B3GALT1: variants seen among roughly 807,000 people sequenced by gnomAD.
The protein encoded by B3GALT1 is UDP-Gal:betaGlcNAc beta 1,3-galactosyltransferase, polypeptide 1.
Under a neutral mutation model 23.2 loss-of-function variants are expected in B3GALT1, and 10 were observed. The ratio of observed to expected loss-of-function variants is 0.43; its 90% CI spans 0.27 to 0.73. The LOEUF (loss-of-function observed/expected upper bound fraction) is 0.73. Among genes scored for constraint, B3GALT1 ranks in the 30% least tolerant of loss-of-function variants. B3GALT1 has a pLI of 0.21. For missense variants in B3GALT1, 299 were observed against 405.4 expected, an observed-to-expected ratio of 0.74 and a Z score of 2.25; for synonymous variants, 156 against 141.5, an observed-to-expected ratio of 1.10 and a Z score of -0.73.
chr2:167,617,853 T>C (rs1476933553), intron 2 of B3GALT1, among the ~76,000 whole-genome samples: 1 of 152,108 alleles, frequency 6.6e-6, no homozygotes, highest in Admixed American at 6.6e-5. Flanking sequence ...TCCTCTTTAA[T>C]GCACTGTCTC....
chr2:167,610,478 G>A (rs1685040483), intron 2 of B3GALT1, among the ~76,000 whole-genome samples: 1 of 152,012 alleles, frequency 6.6e-6, no homozygotes, highest in African/African-American at 2.4e-5. Context: ...GTTTCAAAAT[G>A]TACACTATTG....
At chr2:167,839,341 A>C (rs1405807648) in intron 4 of B3GALT1, among the ~76,000 whole-genome samples, 11 of 152,242 alleles carry the variant, frequency 7.2e-5, no homozygotes, top group African/African-American at 2.6e-4. Flanking sequence ...CTCAGGATAC[A>C]AAATCAATGT....
At chr2:167,792,007 T>A (rs1353061203) in intron 3 of B3GALT1, among the ~76,000 whole-genome samples, 1 of 152,130 alleles carries the variant, frequency 6.6e-6, no homozygotes, top group African/African-American at 2.4e-5. Context: ...TAGTGCAATT[T>A]ATGACTTTTA....
At chr2:167,463,794 A>G (rs769702294) in intron 1 of B3GALT1, among the ~76,000 whole-genome samples, 1 of 152,236 alleles carries the variant, frequency 6.6e-6, no homozygotes, top group Non-Finnish European at 1.5e-5. Context: ...ACTGAGTAAT[A>G]TAGACATTTG....
intron 3 of B3GALT1, among the ~76,000 whole-genome samples, chr2:167,809,703 T>C (rs1210310395): frequency 1.3e-5 from 2 of 152,004 alleles, no homozygotes; most frequent in Non-Finnish European, 2.9e-5. Context: ...TACTGGGGGG[T>C]GCCTCCCAGT....
At chr2:167,484,210 T>C (rs1699595229) in intron 1 of B3GALT1, among the ~76,000 whole-genome samples, 1 of 152,216 alleles carries the variant, frequency 6.6e-6, no homozygotes, top group African/African-American at 2.4e-5. Context: ...TAAAAATGTA[T>C]TGAGTTTTGT....
At chr2:167,331,067 G>C (rs1696966276) in intron 1 of B3GALT1, among the ~76,000 whole-genome samples, 1 of 152,094 alleles carries the variant, frequency 6.6e-6, no homozygotes, top group Admixed American at 6.6e-5. Flanking sequence ...GATACATACA[G>C]TAGTACAGTC....
intron 1 of B3GALT1, among the ~76,000 whole-genome samples, chr2:167,483,101 C>T (rs1379372878): frequency 6.6e-6 from 1 of 151,976 alleles, no homozygotes. Flanking sequence ...CGAGACCAGC[C>T]TGACCAACAT....
At chr2:167,646,382 C>T (rs1265703431) in intron 2 of B3GALT1, among the ~76,000 whole-genome samples, 1 of 152,166 alleles carries the variant, frequency 6.6e-6, no homozygotes, top group Non-Finnish European at 1.5e-5. Context: ...TCTTTCCTTG[C>T]GTGAAGGGAG....
chr2:167,829,454 G>T (rs1689296821), intron 4 of B3GALT1, among the ~76,000 whole-genome samples: 1 of 150,172 alleles, frequency 6.7e-6, no homozygotes, highest in Non-Finnish European at 1.5e-5. Flanking sequence ...TTGCACTCCA[G>T]CCCGGGTGAC....
intron 1 of B3GALT1, among the ~76,000 whole-genome samples, chr2:167,455,619 T>C (rs1222136782): frequency 6.6e-6 from 1 of 152,092 alleles, no homozygotes; most frequent in Non-Finnish European, 1.5e-5. Context: ...TTCAAGAGAT[T>C]CTCCTGCCTC....
chr2:167,475,540 G>T (rs1340413055), intron 1 of B3GALT1, among the ~76,000 whole-genome samples: 1 of 151,870 alleles, frequency 6.6e-6, no homozygotes, highest in Non-Finnish European at 1.5e-5. Flanking sequence ...GAAGGAAAAA[G>T]AAATTTTTGC....
At chr2:167,633,539 T>C (rs992434908) in intron 2 of B3GALT1, among the ~76,000 whole-genome samples, 2 of 150,720 alleles carry the variant, frequency 1.3e-5, no homozygotes, top group Non-Finnish European at 3.0e-5. Flanking sequence ...GCAATCCTAG[T>C]CTCTCATAAA....
intron 1 of B3GALT1, among the ~76,000 whole-genome samples, chr2:167,386,439 G>A (rs1446912705): frequency 1.3e-5 from 2 of 152,104 alleles, no homozygotes; most frequent in East Asian, 1.9e-4. Context: ...TTAATTGAAG[G>A]TGAGCAACAG....
chr2:167,584,633 G>T (rs1684555066), intron 2 of B3GALT1, among the ~76,000 whole-genome samples: 2 of 152,258 alleles, frequency 1.3e-5, no homozygotes, highest in Admixed American at 6.5e-5. Context: ...GCCCTAAGTT[G>T]TTTTACCTGT....
chr2:167,552,435 A>C (rs1683764865), intron 2 of B3GALT1, among the ~76,000 whole-genome samples: 1 of 152,240 alleles, frequency 6.6e-6, no homozygotes, highest in African/African-American at 2.4e-5. Flanking sequence ...AAAAATAAAA[A>C]TACCATTTAA....
At chr2:167,768,251 A>T (rs867910471) in intron 3 of B3GALT1, among the ~76,000 whole-genome samples, 1 of 152,258 alleles carries the variant, frequency 6.6e-6, no homozygotes, top group African/African-American at 2.4e-5. Context: ...AAAGGTATTT[A>T]TAAAATATGT....
At chr2:167,552,794 A>C (rs1284464286) in intron 2 of B3GALT1, among the ~76,000 whole-genome samples, 1 of 152,186 alleles carries the variant, frequency 6.6e-6, no homozygotes, top group Non-Finnish European at 1.5e-5. Flanking sequence ...TGGGAAAACC[A>C]GTGTGCATGA....
At chr2:167,323,120 A>G (rs1414090134) in intron 1 of B3GALT1, among the ~76,000 whole-genome samples, 1 of 151,966 alleles carries the variant, frequency 6.6e-6, no homozygotes, top group African/African-American at 2.4e-5. Context: ...TCGTTGCTAC[A>G]TAGACAAAAA....
Sources: allele counts gnomAD v4.1 joint callset (sites outside exome capture counted in the v4.1 genomes callset), GRCh38; gene constraint gnomAD v4.1.1; transcripts MANE v1.5; gene names NCBI Gene and HGNC (gene_info 2026-07-23, HGNC 2026-07-21).